USP36: variants seen among roughly 807,000 people sequenced by gnomAD.
The protein encoded by USP36 is ubiquitin specific peptidase 36.
A neutral mutation model predicts 111.5 loss-of-function variants in USP36; 59 were observed. The ratio of observed to expected loss-of-function variants is 0.53; its 90% CI spans 0.43 to 0.66. The LOEUF is 0.66. Among genes scored for constraint, USP36 ranks in the 30% least tolerant of loss-of-function variants. The pLI is 0.00. For missense variants in USP36, 1,488 were observed against 1,468.0 expected, an observed-to-expected ratio of 1.01 and a Z score of -0.22; for synonymous variants, 628 against 581.0, an observed-to-expected ratio of 1.08 and a Z score of -1.16.
chr17:78,801,101 C>T (rs1041548810), intron 17 of USP36, among the ~76,000 whole-genome samples: 4 of 151,740 alleles, frequency 2.6e-5, no homozygotes, highest in African/African-American at 4.8e-5. Flanking sequence ...CTCAGCCTCC[C>T]GAGTAGCTGG....
intron 9 of USP36, 143 bp downstream of exon 9, chr17:78,819,787 G>A (rs8078042): frequency 0.025 from 19,577 of 786,306 alleles, 312 homozygotes; most frequent in Middle Eastern, 0.068. Flanking sequence ...AGAAGTTTGA[G>A]TTTTTAGGAC....
chr17:78,819,893 G>A (rs1447594291), intron 9 of USP36, 37 bp downstream of exon 9: 36 of 1,602,094 alleles, frequency 2.2e-5, no homozygotes, highest in Non-Finnish European at 2.8e-5. Context: ...TTTCCCGTCT[G>A]GTATCAGTCT....
At position 78,826,803 on chromosome 17, in the gene USP36, T is replaced by C. The variant is rs972047205; in HGVS notation, c.689+442A>G. On this transcript the variant is annotated intron_variant, in intron 6 of 20. Coordinates refer to ENST00000449938, the MANE Select transcript of USP36 (RefSeq NM_001385174.1). Reference sequence around the variant, plus strand: ...TAAACCTCCTCATGTTAAAGCTCCCTGTTTGTACATATACATGTACATATA... The same window carrying C: ...TAAACCTCCTCATGTTAAAGCTCCCCGTTTGTACATATACATGTACATATA... 2.1e-5 allele frequency: 8 copies of C among 379,436 alleles called. No individual in the cohort carries two copies. The Admixed American group carries it at 3.2e-4, about 15-fold the overall frequency. 23.5% of individuals were successfully genotyped at this position (379,436 alleles called of 1,614,324 possible). A position where few individuals can be genotyped will look rare whatever the true frequency, so the allele number is the denominator to read the frequency against.
intron 16 of USP36, among the ~76,000 whole-genome samples, 176 bp from the exon 17 acceptor site, chr17:78,802,711 C>T (rs886296679): frequency 2.0e-5 from 3 of 152,204 alleles, no homozygotes; most frequent in Non-Finnish European, 4.4e-5. Flanking sequence ...CACGCAGCCA[C>T]GGAGACAGTA....
Position 78,806,260 on chromosome 17 carries a change from G to T in USP36, c.2112C>A (p.Gly704=). Residue 704 remains glycine (G), a synonymous_variant, in exon 15 of 21, where the codon GGC becomes GGA. Transcript: ENST00000449938. ...AGGGGGGAGGTGGACGGAGGTCATTGCCGGTCGCCCTCCACAGGGTGCTGG... is the reference window on the plus strand; with the variant it reads ...AGGGGGGAGGTGGACGGAGGTCATTTCCGGTCGCCCTCCACAGGGTGCTGG... ...KKASTLWRAT[G]NDLRPPPPSP... 1.2e-6 allele frequency: 2 copies of T among 1,613,856 alleles called. No individual in the cohort carries two copies. Among genetic ancestry groups the T allele is most frequent in the Non-Finnish European group, 1.7e-6 (2 of 1,180,010 alleles).
Position 78,807,039 on chromosome 17 carries a change from C to G in USP36, c.2005G>C (p.Val669Leu), listed in dbSNP as rs763626403. ...GGCTCAGTGGTGGTGTTGCTCAGGA[C>G]AGGGGACTTCAGCTTCACCGTCTTA... The part of the protein sequence containing the change: ...DSKTVKLKSP[V>L]LSNTTTEPAS... The change falls in exon 14 of 21, where the codon GTC becomes CTC. Residue 669 changes from valine (V) to leucine (L), a missense_variant. Transcript: ENST00000449938. The G allele has an allele frequency of 2.3e-5, 37 of 1,614,100 alleles. No individual in the cohort carries two copies. The East Asian group carries it at 2.7e-4, about 12-fold the overall frequency.
intron 13 of USP36, 108 bp from the exon 14 acceptor site, chr17:78,807,744 A>C (rs1364830069): frequency 6.5e-6 from 7 of 1,078,638 alleles, no homozygotes; most frequent in African/African-American, 1.6e-5. Flanking sequence ...GCCTCTGATT[A>C]GCATGCTCAA....
At chr17:78,787,658 T>C (rs544312104) in exon 4 of USP36, 1 of 152,330 alleles carries the variant, frequency 6.6e-6, no homozygotes, top group Admixed American at 6.5e-5. Context: ...CGCTTGATCA[T>C]CTGTGAGGTA....
At chr17:78,821,269 C>T in intron 7 of USP36, 2 of 513,510 alleles carry the variant, frequency 3.9e-6, no homozygotes, top group South Asian at 4.1e-5. Flanking sequence ...TATCTTTGCA[C>T]TCACAGGGCC....
intron 4 of USP36, among the ~76,000 whole-genome samples, chr17:78,832,084 T>C (rs1292963359): frequency 6.6e-6 from 1 of 152,154 alleles, no homozygotes; most frequent in Non-Finnish European, 1.5e-5. Context: ...TCATGTAATT[T>C]AGGAAAATAT....
rs373938196 is a variant in USP36 at position 78,797,425 on chromosome 17, G to A, written c.*475C>T. 3 of 152,400 alleles carry A rather than the reference G, an allele frequency of 2.0e-5. No homozygotes were observed. Among genetic ancestry groups the A allele is most frequent in the Non-Finnish European group, 4.4e-5 (3 of 68,108 alleles). The allele number at this position is 152,400 out of a possible 1,614,324, so 9.4% of individuals were successfully genotyped here. On this transcript the variant is annotated 3_prime_UTR_variant, in exon 21 of 21. Coordinates refer to ENST00000449938, the MANE Select transcript of USP36 (RefSeq NM_001385174.1). ...AAGGGGTCCCGCTGAGGAAGCAGGG[G>A]AGGGCGGGCTCGGACACAACGGTGG... is the stretch of plus-strand genomic sequence containing the variant.
chr17:78,819,795 GA>G (rs1322772311), intron 9 of USP36, 134 bp downstream of exon 9: 5 of 829,786 alleles, frequency 6.0e-6, no homozygotes, highest in Non-Finnish European at 9.6e-6. Context: ...GAGTTTTTAG[GA>G]CACACATAGG....
chr17:78,792,692 C>A (rs1321992364), downstream of USP36, among the ~76,000 whole-genome samples: 1 of 152,014 alleles, frequency 6.6e-6, no homozygotes, highest in Non-Finnish European at 1.5e-5. Flanking sequence ...CTCTGCTGCT[C>A]ACTATGATCC....
intron 6 of USP36, chr17:78,826,625 A>G (rs1449720999): frequency 6.2e-6 from 1 of 162,256 alleles, no homozygotes; most frequent in Non-Finnish European, 1.4e-5. Flanking sequence ...AATACAAGGA[A>G]GTCCTAAGCA....
In USP36 at chr17:78,835,315, G is replaced by A; in HGVS notation, c.440C>T (p.Ala147Val). 6.2e-7 allele frequency: 1 copy of A among 1,614,216 alleles called. No homozygotes were observed. Among genetic ancestry groups the A allele is most frequent in the African/African-American group, 1.3e-5 (1 of 75,052 alleles). ...ATGCTCCTTGGAGAGCAGGTAGTTG[G>A]CTAGAGGTGGTGTGTAGGTCAAGCA... is the stretch of plus-strand genomic sequence containing the variant. Reference protein sequence around the residue: ...IQCLTYTPPLANYLLSKEHAR... With the variant: ...IQCLTYTPPLVNYLLSKEHAR... Residue 147 changes from alanine (A) to valine (V), a missense_variant, in exon 4 of 21, where the codon GCC (alanine) becomes GTC (valine). By Grantham distance (64) the Ala-to-Val change is moderately conservative. Transcript: ENST00000449938.
intron 13 of USP36, among the ~76,000 whole-genome samples, chr17:78,810,421 G>A (rs2094020501): frequency 6.6e-6 from 1 of 152,152 alleles, no homozygotes; most frequent in African/African-American, 2.4e-5. Flanking sequence ...CTGAGTAGCT[G>A]GGAATACAGG....
At position 78,802,432 on chromosome 17, in the gene USP36, C is replaced by T; in HGVS notation, c.2914G>A (p.Asp972Asn). The change falls in exon 17 of 21, where the codon GAT (aspartate) becomes AAT (asparagine). Residue 972 changes from aspartate to asparagine, a missense_variant. Asp to Asn is a conservative substitution (Grantham distance 23). Coordinates refer to ENST00000449938, the MANE Select transcript of USP36 (RefSeq NM_001385174.1). ...KQETQRAVEE[D>N]GHLKCPRSAK... ...CTCCTTGGGCATTTGAGATGCCCAT[C>T]CTCTTCTACTGCCCGCTGTGTCTCC... 6.2e-7 allele frequency: 1 copy of T among 1,612,866 alleles called. No homozygotes were observed. The highest frequency in any genetic ancestry group is 1.3e-5 in the African/African-American group (1 of 75,038).
At chr17:78,822,527 C>T (rs7217867) in intron 6 of USP36, among the ~76,000 whole-genome samples, 9,182 of 152,138 alleles carry the variant, frequency 0.06, 853 homozygotes, top group African/African-American at 0.21. Flanking sequence ...CTGCACCCGT[C>T]TCAGAGAGGA....
At position 78,818,797 on chromosome 17, in the gene USP36, G is replaced by C. The variant is rs752124840; in HGVS notation, c.912-19C>G. 1.2e-6 allele frequency: 2 copies of C among 1,612,528 alleles called. No individual in the cohort carries two copies. The highest frequency in any genetic ancestry group is 1.7e-6 in the Non-Finnish European group (2 of 1,178,742). ...CTTGCATCTATGAAGAAGGTGATGA[G>C]AAAGATTAATGAATGATTGATTCGT... On this transcript the variant is annotated intron_variant, in intron 9 of 20. Transcript: ENST00000449938.
Sources: gnomAD v4.1 joint callset for allele counts (sites outside exome capture counted in the v4.1 genomes callset) on GRCh38, gnomAD v4.1.1 for gene constraint, MANE v1.5 for transcripts, NCBI Gene and HGNC (gene_info 2026-07-23, HGNC 2026-07-21) for gene names.